Variants in RORB observed in about 807,000 individuals in gnomAD.
RORB encodes RAR related orphan receptor B.
In RORB, 6 loss-of-function variants were observed where a neutral mutation model predicts 59.1. That is an observed-to-expected ratio of 0.10 (90% CI 0.06 to 0.20). The LOEUF (loss-of-function observed/expected upper bound fraction) is 0.20. RORB is among the 10% of genes least tolerant of loss of function. The pLI is 1.00. For synonymous variants in RORB, 215 were observed against 204.5 expected (o/e 1.05, Z -0.44); for missense variants, 320 against 560.5 (o/e 0.57, Z 4.33).
At chr9:74,653,047 G>A (rs1167226788) in intron 4 of RORB, among the ~76,000 whole-genome samples, 1 of 152,184 alleles carries the variant, frequency 6.6e-6, no homozygotes, top group African/African-American at 2.4e-5. Flanking sequence ...TGTCTTTTCT[G>A]ACATTGCCAT....
chr9:74,640,478 T>C (rs1230308606), intron 3 of RORB, among the ~76,000 whole-genome samples: 1 of 151,842 alleles, frequency 6.6e-6, no homozygotes, highest in African/African-American at 2.4e-5. Context: ...AGAGACAGGG[T>C]TTCACCACGT....
intron 1 of RORB, among the ~76,000 whole-genome samples, chr9:74,614,599 T>A (rs1373921944): frequency 6.6e-6 from 1 of 151,826 alleles, no homozygotes; most frequent in Non-Finnish European, 1.5e-5. Flanking sequence ...AATTTATTTT[T>A]AAAAAAATAA....
chr9:74,511,957 T>C (rs180867563), intron 1 of RORB, among the ~76,000 whole-genome samples: 1 of 151,666 alleles, frequency 6.6e-6, no homozygotes, highest in African/African-American at 2.4e-5. Context: ...CAGTTCACAA[T>C]AGGTACTAGA....
chr9:74,593,223 T>G (rs1176262670), intron 1 of RORB, among the ~76,000 whole-genome samples: 1 of 152,012 alleles, frequency 6.6e-6, no homozygotes, highest in Non-Finnish European at 1.5e-5. Context: ...TCCCAGCACT[T>G]TGGGAGGCCA....
intron 4 of RORB, among the ~76,000 whole-genome samples, chr9:74,646,227 A>T (rs1421133287): frequency 6.6e-6 from 1 of 152,128 alleles, no homozygotes; most frequent in Non-Finnish European, 1.5e-5. Flanking sequence ...CAACTAGGTC[A>T]TTATGCTTCT....
intron 1 of RORB, among the ~76,000 whole-genome samples, chr9:74,623,278 C>A (rs951096472): frequency 2.6e-5 from 4 of 152,162 alleles, no homozygotes; most frequent in African/African-American, 9.6e-5. Context: ...CATTACCAAA[C>A]ATTGCTAGAA....
intron 1 of RORB, among the ~76,000 whole-genome samples, chr9:74,499,557 G>A (rs1825777483): frequency 2.6e-5 from 4 of 152,218 alleles, no homozygotes; most frequent in African/African-American, 9.6e-5. Flanking sequence ...CTCGCTGGGA[G>A]TGGGGCACCC....
At chr9:74,533,900 A>T (rs1054566634) in intron 1 of RORB, among the ~76,000 whole-genome samples, 1 of 152,002 alleles carries the variant, frequency 6.6e-6, no homozygotes, top group South Asian at 2.1e-4. Flanking sequence ...GGGTTGGTAA[A>T]GGGGACATTA....
At chr9:74,637,884 A>C (rs541321524) in intron 3 of RORB, among the ~76,000 whole-genome samples, 4 of 152,346 alleles carry the variant, frequency 2.6e-5, no homozygotes, top group African/African-American at 9.6e-5. Flanking sequence ...CATTAGGCAC[A>C]TGCAGCTTGC....
intron 1 of RORB, among the ~76,000 whole-genome samples, chr9:74,544,210 T>C (rs1040037721): frequency 1.3e-5 from 2 of 152,188 alleles, no homozygotes; most frequent in African/African-American, 4.8e-5. Context: ...TCTCTATCAT[T>C]ATCCTTCTGA....
intron 1 of RORB, among the ~76,000 whole-genome samples, chr9:74,577,534 G>A (rs1822655500): frequency 6.6e-6 from 1 of 152,048 alleles, no homozygotes; most frequent in African/African-American, 2.4e-5. Flanking sequence ...AAGAAACTGT[G>A]AGCTATGGGC....
At chr9:74,537,210 G>A (rs558018131) in intron 1 of RORB, among the ~76,000 whole-genome samples, 3 of 151,902 alleles carry the variant, frequency 2.0e-5, no homozygotes, top group Admixed American at 6.6e-5. Context: ...CCTCTTCCCC[G>A]TGGTTCCTGG....
intron 1 of RORB, among the ~76,000 whole-genome samples, chr9:74,551,389 A>T (rs1826605384): frequency 6.6e-6 from 1 of 152,240 alleles, no homozygotes; most frequent in Non-Finnish European, 1.5e-5. Flanking sequence ...GTGATATCAC[A>T]ATAGTTGATA....
chr9:74,610,197 T>C (rs1382519591), intron 1 of RORB, among the ~76,000 whole-genome samples: 1 of 152,242 alleles, frequency 6.6e-6, no homozygotes, highest in Non-Finnish European at 1.5e-5. Context: ...AAGATCTTGG[T>C]ATCTTCTGTA....
chr9:74,661,348 G>A (rs1469666203), intron 5 of RORB, among the ~76,000 whole-genome samples: 1 of 152,108 alleles, frequency 6.6e-6, no homozygotes, highest in East Asian at 1.9e-4. Flanking sequence ...AAATCCACCA[G>A]TAGATGGAAC....
intron 4 of RORB, among the ~76,000 whole-genome samples, chr9:74,652,070 A>C (rs527401489): frequency 6.6e-6 from 1 of 152,260 alleles, no homozygotes; most frequent in East Asian, 1.9e-4. Flanking sequence ...TTTAAACACA[A>C]ATGCTATGTA....
At chr9:74,613,152 C>T (rs543128171) in intron 1 of RORB, among the ~76,000 whole-genome samples, 58 of 152,268 alleles carry the variant, frequency 3.8e-4, no homozygotes, top group African/African-American at 1.4e-3. Flanking sequence ...CATGAAGATT[C>T]ATATTGAACT....
At chr9:74,658,821 TG>T (rs1477056158) in intron 4 of RORB, among the ~76,000 whole-genome samples, 1 of 152,192 alleles carries the variant, frequency 6.6e-6, no homozygotes, top group Non-Finnish European at 1.5e-5. Flanking sequence ...CATAGGAGAA[TG>T]TTCAATTAAA....
rs1007572944 is a variant in RORB, at chr9:74,630,820, T to C, written c.93+453T>C. On this transcript the variant is annotated intron_variant, in intron 2 of 9. Transcript: ENST00000376896. ...CATATGGCCATCCTTTATTCTCAAG[T>C]TACAGGAAAAAAAAAGAAAAGAAAA... 6.5e-5 allele frequency among the ~76,000 whole-genome samples: 4 copies of C among 61,402 alleles called. No individual in the cohort carries two copies. The Admixed American group carries it at 1.0e-3, about 15-fold the overall frequency. The allele number at this position is 61,402 out of a possible 152,430, so 40.3% of individuals were successfully genotyped here. A position where few individuals can be genotyped will look rare whatever the true frequency, so the allele number is the denominator to read the frequency against.
Sources: allele counts gnomAD v4.1 joint callset (sites outside exome capture counted in the v4.1 genomes callset), GRCh38; gene constraint gnomAD v4.1.1; transcripts MANE v1.5; gene names NCBI Gene and HGNC (gene_info 2026-07-23, HGNC 2026-07-21).